SLC3A1: variants seen among roughly 807,000 people sequenced by gnomAD.
The protein encoded by SLC3A1 is solute carrier family 3 member 1.
Under a neutral mutation model 60.3 loss-of-function variants are expected in SLC3A1, and 78 were observed. That is an observed-to-expected ratio of 1.29 (90% CI 1.08 to 1.56). The LOEUF (loss-of-function observed/expected upper bound fraction) is 1.56, where lower values mean the gene tolerates loss of function less well. SLC3A1 is among the 40% of genes most tolerant of loss of function. The probability of loss-of-function intolerance (pLI) is 0.00; values close to 1 mark genes in which losing one functional copy is unlikely to be tolerated. For missense variants in SLC3A1, 1,172 were observed against 858.9 expected, an observed-to-expected ratio of 1.36 and a Z score of -4.56; for synonymous variants, 392 against 307.9, an observed-to-expected ratio of 1.27 and a Z score of -2.86.
intron 7 of SLC3A1, 112 bp downstream of exon 7, chr2:44,304,450 T>A: frequency 1.2e-6 from 1 of 857,340 alleles, no homozygotes; most frequent in Non-Finnish European, 1.9e-6. Context: ...CTCTGCCTTA[T>A]TTGGTGATTG....
intron 3 of SLC3A1, among the ~76,000 whole-genome samples, chr2:44,284,012 G>GT (rs200523451): frequency 2.6e-5 from 4 of 151,720 alleles, no homozygotes; most frequent in Non-Finnish European, 4.4e-5. Flanking sequence ...GGCTACTTCC[G>GT]TTTTTTTTAT....
intron 1 of SLC3A1, among the ~76,000 whole-genome samples, chr2:44,278,449 AAAATAAAT>A (rs542664708): frequency 3.3e-5 from 5 of 151,466 alleles, no homozygotes; most frequent in African/African-American, 7.3e-5. Flanking sequence ...CTCCATCTCA[AAAATAAAT>A]AAATAAATAA....
At chr2:44,301,261 T>G in intron 6 of SLC3A1, 134 bp downstream of exon 6, 1 of 1,188,254 alleles carries the variant, frequency 8.4e-7, no homozygotes, top group South Asian at 1.3e-5. Flanking sequence ...GATTACAGTT[T>G]GGTTGTACCA....
At chr2:44,284,759 TCTCA>T (rs1471621300) in intron 3 of SLC3A1, among the ~76,000 whole-genome samples, 2 of 152,024 alleles carry the variant, frequency 1.3e-5, no homozygotes, top group Admixed American at 6.6e-5. Context: ...AAATATGGGC[TCTCA>T]CTATGTTGCC....
At chr2:44,277,398 G>A (rs748675891) in intron 1 of SLC3A1, among the ~76,000 whole-genome samples, 85 of 152,040 alleles carry the variant, frequency 5.6e-4, no homozygotes, top group South Asian at 2.1e-4. Flanking sequence ...ATGAGCCACC[G>A]CATCCGGCTG....
chr2:44,304,491 C>T (rs1422127978), intron 7 of SLC3A1, among the ~76,000 whole-genome samples, 153 bp downstream of exon 7: 2 of 152,156 alleles, frequency 1.3e-5, no homozygotes, highest in African/African-American at 4.8e-5. Context: ...CAGCCTCTGC[C>T]AGGTTCTTTT....
chr2:44,286,693 CCTGTGACTGAGCTGTGCGGTGT>C (rs1276221919), intron 4 of SLC3A1, among the ~76,000 whole-genome samples: 7 of 128,602 alleles, frequency 5.4e-5, no homozygotes, highest in African/African-American at 2.1e-4. Context: ...CTGTGCGGTG[CCTGTGACTGAGCTGTGCGGTGT>C]CTGTGACTGA....
intron 4 of SLC3A1, among the ~76,000 whole-genome samples, chr2:44,288,844 A>T (rs545127267): frequency 2.0e-5 from 3 of 151,460 alleles, no homozygotes; most frequent in African/African-American, 4.9e-5. Context: ...TTATTTATTT[A>T]TTTTTTTTGA....
Position 44,320,679 on chromosome 2 carries a change from G to A in SLC3A1, c.*40G>A. 2.7e-6 allele frequency: 4 copies of A among 1,498,078 alleles called. No homozygotes were observed. Among genetic ancestry groups the A allele is most frequent in the South Asian group, 1.1e-5 (1 of 88,370 alleles). The allele number at this position is 1,498,078 out of a possible 1,614,324, so 92.8% of individuals were successfully genotyped here. On this transcript the variant is annotated 3_prime_UTR_variant, in exon 10 of 10. Coordinates refer to ENST00000260649, the MANE Select transcript of SLC3A1 (RefSeq NM_000341.4). ...AGATGAAGACACTGGCATTTCAGTGGGATTGTAAGCATTTGTAATAGCTTC... is the reference window on the plus strand; with the variant it reads ...AGATGAAGACACTGGCATTTCAGTGAGATTGTAAGCATTTGTAATAGCTTC...
rs764432614 is a variant in SLC3A1 at position 44,312,603 on chromosome 2, T to C, written c.1350T>C (p.Ser450=). The C allele has an allele frequency of 1.9e-6, 3 of 1,613,838 alleles. No homozygotes were observed. The highest frequency in any genetic ancestry group is 2.5e-6 in the Non-Finnish European group (3 of 1,179,856). Residue 450 remains serine, a synonymous_variant, in exon 8 of 10, where the codon AGT becomes AGC. Transcript: ENST00000260649. ...WPNWMIGGPD[S]SRLTSRLGNQ... ...CCTTTCAGATTGGTGGACCAGACAG[T>C]TCACGGCTGACTTCGCGTTTGGGGA...
chr2:44,305,291 C>T (rs1028730446), intron 7 of SLC3A1, among the ~76,000 whole-genome samples: 4 of 152,090 alleles, frequency 2.6e-5, no homozygotes, highest in African/African-American at 9.7e-5. Flanking sequence ...AGTTAGAGGT[C>T]AATATTAGGC....
chr2:44,281,766 A>C (rs1483878482), intron 3 of SLC3A1, among the ~76,000 whole-genome samples: 1 of 152,140 alleles, frequency 6.6e-6, no homozygotes, highest in Non-Finnish European at 1.5e-5. Context: ...GTTCTAGCAA[A>C]TTCAAACCTA....
chr2:44,278,473 TA>T (rs1351031883), intron 1 of SLC3A1, among the ~76,000 whole-genome samples: 3 of 150,600 alleles, frequency 2.0e-5, no homozygotes, highest in East Asian at 1.9e-4. Flanking sequence ...AATAAATAAA[TA>T]AAATAAAATA....
intron 9 of SLC3A1, chr2:44,314,922 A>ATTTTTTTTTTTTT (rs561577601): frequency 1.3e-5 from 1 of 78,548 alleles, no homozygotes; most frequent in Non-Finnish European, 2.3e-5. Flanking sequence ...TAAAACAGTG[A>ATTTTTTTTTTTTT]TTTTTTTTTT....
At chr2:44,283,695 A>G (rs1489145626) in intron 3 of SLC3A1, among the ~76,000 whole-genome samples, 2 of 152,120 alleles carry the variant, frequency 1.3e-5, no homozygotes, top group Admixed American at 6.5e-5. Context: ...TCAAGGTTGC[A>G]TTTTCTAATG....
At chr2:44,303,727 C>T (rs962143411) in intron 6 of SLC3A1, 2 of 326,312 alleles carry the variant, frequency 6.1e-6, no homozygotes, top group Admixed American at 8.5e-5. Flanking sequence ...CTATCCTTCC[C>T]TTAGCCCCCC....
intron 4 of SLC3A1, 21 bp downstream of exon 4, chr2:44,286,178 A>T: frequency 6.2e-7 from 1 of 1,610,844 alleles, no homozygotes; most frequent in South Asian, 1.1e-5. Flanking sequence ...ATACCCACAC[A>T]GACTTCTCCA....
chr2:44,321,803 A>G (rs1672983942), downstream of SLC3A1: 1 of 1,613,766 alleles, frequency 6.2e-7, no homozygotes, highest in African/African-American at 1.3e-5. Flanking sequence ...GAATCTGTCC[A>G]CTGAGAGGGC....
chr2:44,290,710 G>A (rs1431100175), intron 4 of SLC3A1, among the ~76,000 whole-genome samples: 1 of 136,374 alleles, frequency 7.3e-6, no homozygotes, highest in African/African-American at 2.8e-5. Context: ...GTATATGTTT[G>A]GTGTTTCCAG....
Sources: allele counts gnomAD v4.1 joint callset (sites outside exome capture counted in the v4.1 genomes callset), GRCh38; gene constraint gnomAD v4.1.1; transcripts MANE v1.5; gene names NCBI Gene and HGNC (gene_info 2026-07-23, HGNC 2026-07-21).